Variants in KLRG2 observed in about 807,000 individuals in gnomAD.
KLRG2 encodes killer cell lectin like receptor G2, also known as killer cell lectin-like receptor subfamily G member 2.
A neutral mutation model predicts 35.4 loss-of-function variants in KLRG2; 39 were observed. That is an observed-to-expected ratio of 1.10 (90% CI 0.85 to 1.44). KLRG2 has a LOEUF of 1.44. Among genes scored for constraint, KLRG2 ranks in the 40% most tolerant of loss-of-function variants. The pLI is 0.00. For synonymous variants in KLRG2, 283 were observed against 265.8 expected, an observed-to-expected ratio of 1.06 and a Z score of -0.63; for missense variants, 632 against 570.9, an observed-to-expected ratio of 1.11 and a Z score of -1.09.
rs1796403833 is a variant in KLRG2 at position 139,453,454 on chromosome 7, T to C, written c.*133A>G. Reference sequence around the variant, plus strand: ...GAAGTCCAGCTCCTAGGCTCGCTCATGTGGCCCCCTTGAGCAGAGCATGAA... The same window carrying C: ...GAAGTCCAGCTCCTAGGCTCGCTCACGTGGCCCCCTTGAGCAGAGCATGAA... On this transcript the variant is annotated 3_prime_UTR_variant, in exon 5 of 5. Transcript: ENST00000340940. 4.4e-6 allele frequency: 4 copies of C among 904,226 alleles called. No individual in the cohort carries two copies. In the South Asian group the frequency reaches 6.8e-5, roughly 15 times the overall value. 56.0% of individuals were successfully genotyped at this position (904,226 alleles called of 1,614,324 possible).
the KLRG2 span, among the ~76,000 whole-genome samples, chr7:139,435,472 AGAGC>A: frequency 6.6e-6 from 1 of 152,222 alleles, no homozygotes. Flanking sequence ...CCTGGGTGAC[AGAGC>A]GAGACTCCGT....
At chr7:139,433,970 C>T in the KLRG2 span, among the ~76,000 whole-genome samples, 1 of 152,160 alleles carries the variant, frequency 6.6e-6, no homozygotes, top group Non-Finnish European at 1.5e-5. Flanking sequence ...TTTTTAACCT[C>T]ACAGGCGATT....
intron 1 of KLRG2, 30 bp downstream of exon 1, chr7:139,482,856 C>A: frequency 7.3e-7 from 1 of 1,371,626 alleles, no homozygotes; most frequent in South Asian, 1.7e-5. Flanking sequence ...GACCTGGCGG[C>A]GTCGGCTGCC....
intron 3 of KLRG2, among the ~76,000 whole-genome samples, chr7:139,466,516 C>T (rs902597551): frequency 6.6e-6 from 1 of 152,122 alleles, no homozygotes; most frequent in Non-Finnish European, 1.5e-5. Context: ...AAAGTACACT[C>T]CAATACTTTC....
intron 3 of KLRG2, among the ~76,000 whole-genome samples, chr7:139,479,347 C>T (rs921157481): frequency 6.6e-6 from 1 of 152,168 alleles, no homozygotes; most frequent in Non-Finnish European, 1.5e-5. Context: ...TCCCAGAGTG[C>T]TGGGATTACA....
At chr7:139,469,072 C>T (rs1796714477) in intron 3 of KLRG2, among the ~76,000 whole-genome samples, 1 of 152,258 alleles carries the variant, frequency 6.6e-6, no homozygotes, top group Non-Finnish European at 1.5e-5. Context: ...TTCCAGCCTT[C>T]AGGACTGTGA....
the KLRG2 span, among the ~76,000 whole-genome samples, chr7:139,440,553 G>A: frequency 6.6e-5 from 10 of 151,508 alleles, no homozygotes; most frequent in East Asian, 1.9e-4. Flanking sequence ...TACCATAGCC[G>A]ACTTAATTTG....
rs1332359564 is a variant in KLRG2 at position 139,462,098 on chromosome 7, A to G, written c.1006-7884T>C. Among the ~76,000 whole-genome samples, 6 of 152,200 alleles carry G rather than the reference A, an allele frequency of 3.9e-5. No homozygotes were observed. In the East Asian group the frequency reaches 1.2e-3, roughly 29 times the overall value. ...TCAGTCTCTCCCTTCTCTTAATTTCAGTGCCTTTCCTTTTCTGGTAGAGAC... is the reference window on the plus strand; with the variant it reads ...TCAGTCTCTCCCTTCTCTTAATTTCGGTGCCTTTCCTTTTCTGGTAGAGAC... On this transcript the variant is annotated intron_variant, in intron 3 of 4. Coordinates refer to ENST00000340940, the MANE Select transcript of KLRG2 (RefSeq NM_198508.4).
downstream of KLRG2, among the ~76,000 whole-genome samples, chr7:139,450,092 G>C (rs1796353086): frequency 6.6e-6 from 1 of 151,504 alleles, no homozygotes; most frequent in African/African-American, 2.4e-5. Context: ...ACCCAGGGTG[G>C]AGTGCAGTGT....
the KLRG2 span, among the ~76,000 whole-genome samples, chr7:139,445,779 A>C: frequency 1.9e-4 from 23 of 120,296 alleles, 2 homozygotes; most frequent in Non-Finnish European, 1.5e-5. Context: ...ATATATATAT[A>C]TGTATATATA....
chr7:139,430,125 G>T, the KLRG2 span, among the ~76,000 whole-genome samples: 1 of 152,202 alleles, frequency 6.6e-6, no homozygotes, highest in Non-Finnish European at 1.5e-5. Context: ...TAAAACTGCC[G>T]GGCGCAATGG....
intron 3 of KLRG2, among the ~76,000 whole-genome samples, chr7:139,460,668 A>T (rs1179306061): frequency 6.6e-6 from 1 of 152,034 alleles, no homozygotes; most frequent in Non-Finnish European, 1.5e-5. Flanking sequence ...GTCTAAAAAA[A>T]AAAAAGACAG....
chr7:139,463,455 C>T (rs1796602814), intron 3 of KLRG2, among the ~76,000 whole-genome samples: 2 of 152,318 alleles, frequency 1.3e-5, no homozygotes, highest in African/African-American at 2.4e-5. Context: ...TGAGACAAAA[C>T]CCAGCCGCAC....
At chr7:139,443,700 T>TACA in the KLRG2 span, among the ~76,000 whole-genome samples, 1 of 152,036 alleles carries the variant, frequency 6.6e-6, no homozygotes, top group African/African-American at 2.4e-5. Context: ...TAGCTGGGAT[T>TACA]ACAGGTGTGT....
intron 3 of KLRG2, among the ~76,000 whole-genome samples, chr7:139,476,905 T>C (rs1048570385): frequency 6.6e-6 from 1 of 152,176 alleles, no homozygotes; most frequent in Non-Finnish European, 1.5e-5. Context: ...GATTTCCTGA[T>C]TGACGTCTGC....
intron 3 of KLRG2, among the ~76,000 whole-genome samples, chr7:139,455,071 T>A (rs184394951): frequency 5.3e-5 from 8 of 151,038 alleles, no homozygotes; most frequent in Non-Finnish European, 1.0e-4. Flanking sequence ...CAGGCTGGAG[T>A]GCAGTGGCAC....
At chr7:139,471,027 T>C (rs1042901938) in intron 3 of KLRG2, among the ~76,000 whole-genome samples, 3 of 151,606 alleles carry the variant, frequency 2.0e-5, no homozygotes, top group Admixed American at 2.0e-4. Flanking sequence ...TTTTTTTTTT[T>C]AGTAGAGATA....
At chr7:139,455,159 C>T (rs1376388084) in intron 3 of KLRG2, among the ~76,000 whole-genome samples, 1 of 151,528 alleles carries the variant, frequency 6.6e-6, no homozygotes, top group African/African-American at 2.4e-5. Flanking sequence ...GCTGGAACTA[C>T]AGGCATGCAC....
intron 1 of KLRG2, among the ~76,000 whole-genome samples, chr7:139,482,039 T>C (rs1042808647): frequency 1.2e-4 from 19 of 152,220 alleles, no homozygotes; most frequent in African/African-American, 9.6e-5. Context: ...GTATCTTTTG[T>C]GGGCTCTTTC....
Sources: gnomAD v4.1 joint callset for allele counts (sites outside exome capture counted in the v4.1 genomes callset) on GRCh38, gnomAD v4.1.1 for gene constraint, MANE v1.5 for transcripts, NCBI Gene and HGNC (gene_info 2026-07-23, HGNC 2026-07-21) for gene names.